The following ST13 variants were observed in gnomAD, a reference collection of about 807,000 sequenced individuals.
The protein encoded by ST13 is hsc70-interacting protein.
In ST13, 23 loss-of-function variants were observed where a neutral mutation model predicts 56.7. That is an observed-to-expected ratio of 0.41 (90% CI 0.29 to 0.57). The LOEUF is 0.57. Among genes scored for constraint, ST13 ranks in the 20% least tolerant of loss-of-function variants. The pLI is 0.36. For missense variants in ST13, 369 were observed against 459.9 expected (o/e 0.80, Z 1.81); for synonymous variants, 132 against 142.4 (o/e 0.93, Z 0.52).
chr22:40,835,388 C>A, intron 7 of ST13, 172 bp downstream of exon 7: 4 of 395,234 alleles, frequency 1.0e-5, no homozygotes, highest in East Asian at 3.9e-5. Context: ...TTTTTTTTTT[C>A]TTTTACCTTT....
At chr22:40,835,442 CACA>C in intron 7 of ST13, 115 bp downstream of exon 7, 1 of 805,476 alleles carries the variant, frequency 1.2e-6, no homozygotes, top group Non-Finnish European at 2.1e-6. Flanking sequence ...ATACTAAGTA[CACA>C]CTAATTTGAA....
chr22:40,835,697 G>A, intron 6 of ST13, 27 bp from the exon 7 acceptor site: 1 of 1,605,288 alleles, frequency 6.2e-7, no homozygotes, highest in South Asian at 1.1e-5. Flanking sequence ...TTATTAAAAA[G>A]TATTCATTTC....
At chr22:40,840,543 A>G in intron 5 of ST13, 83 bp downstream of exon 5, 3 of 1,233,770 alleles carry the variant, frequency 2.4e-6, no homozygotes, top group Non-Finnish European at 3.5e-6. Context: ...GGTACATGTA[A>G]CTTCTCTTCT....
At chr22:40,838,616 GAT>G (rs939414381) in intron 5 of ST13, among the ~76,000 whole-genome samples, 2 of 151,168 alleles carry the variant, frequency 1.3e-5, no homozygotes, top group African/African-American at 4.9e-5. Flanking sequence ...AAAAAAAAGA[GAT>G]AATAATTAGC....
At chr22:40,826,792 G>T in intron 11 of ST13, 126 bp from the exon 12 acceptor site, 2 of 1,142,768 alleles carry the variant, frequency 1.8e-6, no homozygotes, top group Non-Finnish European at 2.5e-6. Flanking sequence ...GGGTTTAGAT[G>T]AGTGCTTGAA....
In ST13 at chr22:40,855,920, C is replaced by T. The variant is rs116496101; in HGVS notation, c.110+511G>A. 9.0e-3 allele frequency among the ~76,000 whole-genome samples: 1,353 copies of T among 149,744 alleles called. 18 individuals are homozygous for T. Among genetic ancestry groups the T allele is most frequent in the African/African-American group, 0.032 (1,268 of 39,148 alleles). On this transcript the variant is annotated intron_variant, in intron 1 of 11. Transcript: ENST00000216218. ...GATTCTCAAGATAATTAATCCTACG[C>T]AGCTACAAACGCTGTAAGGTAAAAA...
In ST13 at chr22:40,827,471, A is replaced by G. The variant is rs1000066028; in HGVS notation, c.848-242T>C. The stretch of plus-strand genomic sequence containing the variant: ...GGATTAACTTTTTTCTAGTAATAAC[A>G]CTGTTTTTTATTTTTGTTTGTTTTG... On this transcript the variant is annotated intron_variant, in intron 10 of 11. Transcript: ENST00000216218. Among the ~76,000 whole-genome samples, 3 of 151,892 alleles carry G rather than the reference A, an allele frequency of 2.0e-5. No individual in the cohort carries two copies. The East Asian group carries it at 5.8e-4, about 29-fold the overall frequency.
intron 7 of ST13, among the ~76,000 whole-genome samples, chr22:40,833,564 C>CAAA (rs138336): frequency 8.7e-6 from 1 of 115,412 alleles, no homozygotes; most frequent in Non-Finnish European, 1.8e-5. Context: ...GACTCCATCT[C>CAAA]AAAAAAAAAA....
chr22:40,856,397 C>G, intron 1 of ST13, 34 bp downstream of exon 1: 1 of 1,583,316 alleles, frequency 6.3e-7, no homozygotes, highest in Non-Finnish European at 8.7e-7. Context: ...CCGTGCTTCC[C>G]CCGCCCCCAA....
chr22:40,833,383 C>G (rs941439373), intron 7 of ST13, among the ~76,000 whole-genome samples: 3 of 150,684 alleles, frequency 2.0e-5, no homozygotes, highest in African/African-American at 7.3e-5. Context: ...TCCTGGCTAA[C>G]CCGGTGAAAC....
At position 40,835,816 on chromosome 22, in the gene ST13, C is replaced by T; in HGVS notation, c.454G>A (p.Ala152Thr). 1 of 1,613,800 alleles carries T rather than the reference C, an allele frequency of 6.2e-7. No individual in the cohort carries two copies. Among genetic ancestry groups the T allele is most frequent in the Non-Finnish European group, 8.5e-7 (1 of 1,179,866 alleles). Residue 152 changes from alanine (A) to threonine (T), a missense_variant, in exon 6 of 12, where the codon GCC becomes ACC. Around this residue, in one of 3 missense-constraint regions of ST13, gnomAD observed 64 missense variants for 125.1 expected, o/e 0.51. Coordinates refer to ENST00000216218, the MANE Select transcript of ST13 (RefSeq NM_003932.5). ...KLNPRLAILYAKRASVFVKLQ... is the reference protein window; with the variant it reads ...KLNPRLAILYTKRASVFVKLQ... ...TAGAGTTCTCACCTGGCCCTCTTGG[C>T]ATACAAAATGGCCAAGCGAGGATTC...
chr22:40,832,898 G>T (rs528387925), intron 7 of ST13, among the ~76,000 whole-genome samples: 2 of 152,112 alleles, frequency 1.3e-5, no homozygotes, highest in Admixed American at 1.3e-4. Flanking sequence ...TCTACTAAAA[G>T]CTAAAAAACA....
chr22:40,856,407 A>G (rs779275210), intron 1 of ST13, 24 bp downstream of exon 1: 21 of 1,598,510 alleles, frequency 1.3e-5, no homozygotes, highest in Admixed American at 6.7e-5. Flanking sequence ...CCCGCCCCCA[A>G]CGGTCCTCAG....
rs139690318 is a variant in ST13 at position 40,828,865 on chromosome 22, G to A, written c.847+761C>T. ...AGCTTTGAAAAATTAGTGCCTACCC[G>A]TAACGAAATTACTGACCCAAAGCTT... On this transcript the variant is annotated intron_variant, in intron 10 of 11. Coordinates refer to ENST00000216218, the MANE Select transcript of ST13 (RefSeq NM_003932.5). Among the ~76,000 whole-genome samples the A allele has an allele frequency of 1.2e-4, 18 of 152,172 alleles. No individual in the cohort carries two copies. In the East Asian group the frequency reaches 1.4e-3, roughly 11 times the overall value.
intron 3 of ST13, among the ~76,000 whole-genome samples, chr22:40,845,747 G>A (rs1380662752): frequency 6.6e-6 from 1 of 150,960 alleles, no homozygotes; most frequent in Non-Finnish European, 1.5e-5. Context: ...ACACACGCAC[G>A]TATCATTTAA....
Position 40,840,667 on chromosome 22 carries a change from G to C in ST13, c.341C>G (p.Ala114Gly). ...AEITEEMMDQANDKKVAAIEA... is the reference protein window; with the variant it reads ...AEITEEMMDQGNDKKVAAIEA... ...AATAGCAGCCACTTTTTTATCATTT[G>C]CCTGATCCATCATCTCCTCCGTTAT... The change falls in exon 5 of 12, where the codon GCA becomes GGA. Residue 114 changes from alanine (A) to glycine (G), a missense_variant. By Grantham distance (60) the Ala-to-Gly change is moderately conservative. Transcript: ENST00000216218. 6.2e-7 allele frequency: 1 copy of C among 1,609,706 alleles called. No individual in the cohort carries two copies. The highest frequency in any genetic ancestry group is 8.5e-7 in the Non-Finnish European group (1 of 1,178,816).
chr22:40,854,314 A>G (rs565196521), intron 1 of ST13, among the ~76,000 whole-genome samples: 4 of 152,236 alleles, frequency 2.6e-5, no homozygotes, highest in Non-Finnish European at 5.9e-5. Flanking sequence ...AAATACAGAA[A>G]TAAAGAGAAA....
At chr22:40,827,372 G>C in intron 10 of ST13, 143 bp from the exon 11 acceptor site, 1 of 736,406 alleles carries the variant, frequency 1.4e-6, no homozygotes, top group South Asian at 1.8e-5. Flanking sequence ...TAACCAGACT[G>C]CAACAAGACA....
chr22:40,827,637 C>T (rs982901618), intron 10 of ST13, among the ~76,000 whole-genome samples: 6 of 151,704 alleles, frequency 4.0e-5, no homozygotes, highest in African/African-American at 1.5e-4. Flanking sequence ...ACCACTATGC[C>T]TAATTTTTAT....
Sources: allele counts gnomAD v4.1 joint callset (sites outside exome capture counted in the v4.1 genomes callset), GRCh38; gene constraint gnomAD v4.1.1; regional missense constraint gnomAD v4.1.1; transcripts MANE v1.5; gene names NCBI Gene and HGNC (gene_info 2026-07-23, HGNC 2026-07-21).